UBTD2: variants seen among roughly 807,000 people sequenced by gnomAD.
UBTD2 encodes the protein ubiquitin domain containing 2.
In UBTD2, 9 loss-of-function variants were observed where a neutral mutation model predicts 19.8. The ratio of observed to expected loss-of-function variants is 0.46; its 90% CI spans 0.27 to 0.79. UBTD2 has a LOEUF of 0.79. Among genes scored for constraint, UBTD2 ranks in the 30% least tolerant of loss-of-function variants. UBTD2 has a pLI of 0.14. For missense variants in UBTD2, 250 were observed against 300.4 expected (o/e 0.83, Z 1.24); for synonymous variants, 98 against 103.9 (o/e 0.94, Z 0.35).
chr5:172,247,758 T>G (rs1425014273), intron 1 of UBTD2, among the ~76,000 whole-genome samples: 2 of 152,176 alleles, frequency 1.3e-5, no homozygotes, highest in Non-Finnish European at 2.9e-5. Context: ...TATCCTATTT[T>G]CAATAATGTA....
chr5:172,260,779 C>T (rs962027189), intron 1 of UBTD2, among the ~76,000 whole-genome samples: 2 of 152,150 alleles, frequency 1.3e-5, no homozygotes, highest in African/African-American at 4.8e-5. Context: ...TTCCTTTTCA[C>T]TATGTCCTAC....
chr5:172,209,656 C>CT lies in UBTD2; in HGVS notation c.*2173dup, dbSNP rs3836824. On this transcript the variant is annotated 3_prime_UTR_variant, in exon 3 of 3. Transcript: ENST00000393792. Reference sequence around the variant, plus strand: ...GCAAAGACAAAGAGAAAAATTGAACCTTTTTTTTTTTTTTAAAAAAAGCAC... The same window carrying CT: ...GCAAAGACAAAGAGAAAAATTGAACCTTTTTTTTTTTTTTTAAAAAAAGCAC... The CT allele has an allele frequency of 0.014, 1,974 of 146,070 alleles. 37 individuals are homozygous for CT. The highest frequency in any genetic ancestry group is 0.044 in the African/African-American group (1,741 of 39,858). 9.0% of individuals were successfully genotyped at this position (146,070 alleles called of 1,614,324 possible).
At chr5:172,227,810 A>C (rs1235884099) in intron 2 of UBTD2, among the ~76,000 whole-genome samples, 1 of 143,690 alleles carries the variant, frequency 7.0e-6, no homozygotes, top group Non-Finnish European at 1.5e-5. Context: ...CCTCCCGAGT[A>C]GCTGGGATTA....
At chr5:172,229,417 C>T (rs1307150053) in intron 2 of UBTD2, among the ~76,000 whole-genome samples, 1 of 139,036 alleles carries the variant, frequency 7.2e-6, no homozygotes, top group African/African-American at 2.7e-5. Flanking sequence ...AGGAGAATGG[C>T]GTGAACCCGG....
intron 2 of UBTD2, 92 bp from the exon 3 acceptor site, chr5:172,212,319 C>T: frequency 7.2e-7 from 1 of 1,381,910 alleles, no homozygotes; most frequent in Non-Finnish European, 9.7e-7. Flanking sequence ...CTCTTGCTAG[C>T]ATGGCACTGT....
intron 2 of UBTD2, among the ~76,000 whole-genome samples, chr5:172,226,139 A>G (rs538212206): frequency 3.1e-4 from 47 of 152,110 alleles, no homozygotes; most frequent in African/African-American, 9.6e-4. Flanking sequence ...CTTCTTGACA[A>G]CCATGCCCTG....
chr5:172,276,336 TA>T (rs1755602410), intron 1 of UBTD2, among the ~76,000 whole-genome samples: 1 of 152,214 alleles, frequency 6.6e-6, no homozygotes, highest in Non-Finnish European at 1.5e-5. Context: ...GAGTCCACAC[TA>T]ACATCCTACG....
chr5:172,265,580 C>T (rs866468763), intron 1 of UBTD2, among the ~76,000 whole-genome samples: 4 of 152,178 alleles, frequency 2.6e-5, no homozygotes, highest in Non-Finnish European at 2.9e-5. Context: ...CCGACCGCCT[C>T]GGCCTCCCAA....
Position 172,283,504 on chromosome 5 carries a change from G to T in UBTD2, c.70+92C>A. On this transcript the variant is annotated intron_variant, in intron 1 of 2. Coordinates refer to ENST00000393792, the MANE Select transcript of UBTD2 (RefSeq NM_152277.3). This position sits in a 1 kb window ranked among gnomAD's most constrained non-coding sequence, Gnocchi z 4.3. ...GAAGAGGGGATGACAAAGGGGCGCG[G>T]GGGCCCGGCGCGGCCCGCGGGGGTC... The T allele has an allele frequency of 9.8e-7, 1 of 1,019,246 alleles. No homozygotes were observed. Among genetic ancestry groups the T allele is most frequent in the East Asian group, 3.4e-5 (1 of 29,188 alleles). The allele number at this position is 1,019,246 out of a possible 1,614,324, so 63.1% of individuals were successfully genotyped here. A position where few individuals can be genotyped will look rare whatever the true frequency, so the allele number is the denominator to read the frequency against.
chr5:172,247,812 A>G (rs979713943), intron 1 of UBTD2, among the ~76,000 whole-genome samples: 2 of 152,220 alleles, frequency 1.3e-5, no homozygotes, highest in Non-Finnish European at 2.9e-5. Context: ...TGGAGACTTG[A>G]ACACTATAAA....
chr5:172,236,654 G>A (rs936849254), intron 1 of UBTD2, among the ~76,000 whole-genome samples: 1 of 152,182 alleles, frequency 6.6e-6, no homozygotes, highest in Admixed American at 6.5e-5. Flanking sequence ...AGTGGAAGAT[G>A]GCACAGTAAG....
intron 2 of UBTD2, among the ~76,000 whole-genome samples, chr5:172,225,933 CTT>C (rs57155195): frequency 9.3e-5 from 10 of 107,510 alleles, no homozygotes; most frequent in Admixed American, 5.2e-4. Context: ...GGCTTAAACT[CTT>C]TTTTTTTTTT....
At chr5:172,229,471 A>T (rs1236429261) in intron 2 of UBTD2, among the ~76,000 whole-genome samples, 1 of 133,802 alleles carries the variant, frequency 7.5e-6, no homozygotes, top group East Asian at 2.4e-4. Flanking sequence ...ACTGCACTCC[A>T]GCCTGGGCGA....
chr5:172,264,040 T>G (rs971677449), intron 1 of UBTD2, among the ~76,000 whole-genome samples: 1 of 152,118 alleles, frequency 6.6e-6, no homozygotes, highest in Non-Finnish European at 1.5e-5. Flanking sequence ...AAAGGATGAA[T>G]AGTTCTGACC....
intron 2 of UBTD2, among the ~76,000 whole-genome samples, chr5:172,212,538 G>A (rs2113869653): frequency 6.6e-6 from 1 of 152,290 alleles, no homozygotes; most frequent in South Asian, 2.1e-4. Context: ...AAGACGTAGA[G>A]AACATTTAAA....
At chr5:172,265,387 T>A (rs565685007) in intron 1 of UBTD2, among the ~76,000 whole-genome samples, 4 of 152,200 alleles carry the variant, frequency 2.6e-5, no homozygotes, top group Admixed American at 6.5e-5. Context: ...GCTGGTGGAG[T>A]GCAGTGGCAC....
At chr5:172,276,621 C>T (rs73317704) in intron 1 of UBTD2, among the ~76,000 whole-genome samples, 2,315 of 152,066 alleles carry the variant, frequency 0.015, 60 homozygotes, top group African/African-American at 0.053. Flanking sequence ...CTTCTGACCC[C>T]GTAATGTGGG....
chr5:172,250,171 C>T (rs1194346321), intron 1 of UBTD2, among the ~76,000 whole-genome samples: 4 of 151,932 alleles, frequency 2.6e-5, no homozygotes, highest in East Asian at 1.9e-4. Flanking sequence ...TGCAGTGAGC[C>T]GAGATAGCAC....
At chr5:172,270,666 G>GT (rs1755472509) in intron 1 of UBTD2, among the ~76,000 whole-genome samples, 1 of 151,918 alleles carries the variant, frequency 6.6e-6, no homozygotes. Context: ...GAATTTTAGA[G>GT]TTTTTCAGAT....
Sources: gnomAD v4.1 joint callset for allele counts (sites outside exome capture counted in the v4.1 genomes callset) on GRCh38, gnomAD v4.1.1 for gene constraint, Gnocchi (gnomAD v3.1) non-coding constraint, MANE v1.5 for transcripts, NCBI Gene and HGNC (gene_info 2026-07-23, HGNC 2026-07-21) for gene names.